Variants in GANC observed in about 807,000 individuals in gnomAD.
GANC encodes glucosidase alpha, neutral C.
A neutral mutation model predicts 124.2 loss-of-function variants in GANC; 117 were observed. That is an observed-to-expected ratio of 0.94 (90% CI 0.81 to 1.10). The LOEUF (loss-of-function observed/expected upper bound fraction) is 1.10, where lower values mean the gene tolerates loss of function less well. GANC is among the 50% of genes least tolerant of loss of function. GANC has a pLI of 0.00. For synonymous variants in GANC, 377 were observed against 376.8 expected, an observed-to-expected ratio of 1.00 and a Z score of -0.01; for missense variants, 1,140 against 1,095.0, an observed-to-expected ratio of 1.04 and a Z score of -0.58.
chr15:42,325,840 G>A (rs780412404), intron 11 of GANC, among the ~76,000 whole-genome samples: 15 of 152,048 alleles, frequency 9.9e-5, no homozygotes, highest in African/African-American at 1.7e-4. Flanking sequence ...CACTGTAGCC[G>A]CGACCTCCCC....
At chr15:42,278,297 C>T (rs1448279802) in intron 2 of GANC, among the ~76,000 whole-genome samples, 185 bp from the exon 3 acceptor site, 1 of 152,098 alleles carries the variant, frequency 6.6e-6, no homozygotes, top group Non-Finnish European at 1.5e-5. Context: ...TACTAATACT[C>T]ATCTTATTAG....
intron 19 of GANC, 174 bp downstream of exon 19, chr15:42,343,328 A>G: frequency 1.7e-6 from 1 of 585,276 alleles, no homozygotes; most frequent in Admixed American, 3.0e-5. Flanking sequence ...AACTTAATGG[A>G]GGAGAGGAGG....
At position 42,292,755 on chromosome 15, in the gene GANC, A is replaced by G. The variant is rs1359133092; in HGVS notation, c.350A>G (p.Asp117Gly). The change falls in exon 5 of 24, where the codon GAC (aspartate) becomes GGC (glycine). Residue 117 changes from aspartate (D) to glycine (G), a missense_variant. By Grantham distance (94) the Asp-to-Gly change is moderately conservative. Coordinates refer to ENST00000318010, the MANE Select transcript of GANC (RefSeq NM_198141.3). The stretch of plus-strand genomic sequence containing the variant: ...TCTAGGCTGATTTCATGCTCTGGGG[A>G]CACAGGCAGTCTGATATTGGCAGAT... The part of the protein sequence containing the change: ...STVRLISCSG[D>G]TGSLILADGK... The G allele has an allele frequency of 6.2e-7, 1 of 1,613,916 alleles. No individual in the cohort carries two copies. The highest frequency in any genetic ancestry group is 8.5e-7 in the Non-Finnish European group (1 of 1,179,876).
intron 18 of GANC, among the ~76,000 whole-genome samples, chr15:42,341,201 G>T (rs1407571254): frequency 1.3e-5 from 2 of 151,886 alleles, no homozygotes; most frequent in East Asian, 3.8e-4. Context: ...CCTTCACCAA[G>T]ATTTCTAATG....
chr15:42,325,109 C>CA (rs753549250), intron 11 of GANC, among the ~76,000 whole-genome samples: 259 of 132,358 alleles, frequency 2.0e-3, no homozygotes, highest in Middle Eastern at 7.7e-3. Context: ...ATTAAAAATA[C>CA]AAAAAAAAAA....
intron 8 of GANC, 22 bp downstream of exon 8, chr15:42,308,340 T>C (rs1259844066): frequency 1.4e-6 from 2 of 1,454,726 alleles, no homozygotes; most frequent in Non-Finnish European, 1.9e-6. Context: ...CAAGAATTCT[T>C]ATGGGAGTCT....
At chr15:42,302,753 C>G (rs2051958622) in intron 6 of GANC, among the ~76,000 whole-genome samples, 1 of 151,660 alleles carries the variant, frequency 6.6e-6, no homozygotes, top group Non-Finnish European at 1.5e-5. Flanking sequence ...GAAAGGATAT[C>G]AGAGATTGAA....
intron 3 of GANC, chr15:42,284,182 A>G (rs1349491579): frequency 2.7e-5 from 16 of 599,810 alleles, no homozygotes; most frequent in Non-Finnish European, 4.1e-5. Context: ...TAATTTTCCT[A>G]CTTAACACCC....
chr15:42,301,407 G>A (rs1430654296), intron 6 of GANC, among the ~76,000 whole-genome samples: 1 of 152,002 alleles, frequency 6.6e-6, no homozygotes, highest in Non-Finnish European at 1.5e-5. Flanking sequence ...CACCAGGGCT[G>A]CACAAAACTG....
At chr15:42,334,064 C>T (rs1478686269) in intron 15 of GANC, among the ~76,000 whole-genome samples, 2 of 152,110 alleles carry the variant, frequency 1.3e-5, no homozygotes, top group East Asian at 1.9e-4. Flanking sequence ...AATGAAACTA[C>T]ACCCCTACCT....
chr15:42,281,924 T>G (rs1223775690), intron 3 of GANC, among the ~76,000 whole-genome samples: 1 of 151,828 alleles, frequency 6.6e-6, no homozygotes, highest in Admixed American at 6.6e-5. Context: ...CAGTGGCTCA[T>G]GCCTATAATC....
At chr15:42,345,510 T>TGC (rs2052356689) in intron 19 of GANC, among the ~76,000 whole-genome samples, 1 of 152,236 alleles carries the variant, frequency 6.6e-6, no homozygotes. Context: ...TGGTAGATTG[T>TGC]TCAGTCGGTA....
At chr15:42,310,023 A>G (rs1481872159) in intron 8 of GANC, among the ~76,000 whole-genome samples, 2 of 152,076 alleles carry the variant, frequency 1.3e-5, no homozygotes, top group Non-Finnish European at 2.9e-5. Context: ...TATCTGGAAA[A>G]AAGAAAAAGG....
intron 4 of GANC, among the ~76,000 whole-genome samples, chr15:42,291,336 T>C (rs1010842410): frequency 6.6e-6 from 1 of 152,198 alleles, no homozygotes; most frequent in Non-Finnish European, 1.5e-5. Context: ...CATAGTTGGT[T>C]AATTATAATC....
At chr15:42,302,091 C>T (rs2051950886) in intron 6 of GANC, among the ~76,000 whole-genome samples, 2 of 152,234 alleles carry the variant, frequency 1.3e-5, no homozygotes, top group African/African-American at 4.8e-5. Context: ...ACAGACACCT[C>T]ATACAGGAGA....
At chr15:42,348,887 C>T (rs547687728) in intron 21 of GANC, among the ~76,000 whole-genome samples, 2 of 152,236 alleles carry the variant, frequency 1.3e-5, no homozygotes, top group East Asian at 3.9e-4. Context: ...ACTATGGGTC[C>T]CAGACCCATG....
At chr15:42,320,868 C>G (rs1282931251) in intron 10 of GANC, among the ~76,000 whole-genome samples, 1 of 152,184 alleles carries the variant, frequency 6.6e-6, no homozygotes, top group African/African-American at 2.4e-5. Context: ...ATAGCCTCCT[C>G]AATACCACTC....
chr15:42,308,576 A>T (rs7163345), intron 8 of GANC, among the ~76,000 whole-genome samples: 3 of 152,174 alleles, frequency 2.0e-5, no homozygotes, highest in Admixed American at 6.5e-5. Flanking sequence ...CTCCACCTCC[A>T]GAGTTCAAGA....
At chr15:42,288,629 A>ATATC (rs1254479529) in intron 4 of GANC, among the ~76,000 whole-genome samples, 2 of 152,236 alleles carry the variant, frequency 1.3e-5, no homozygotes, top group Non-Finnish European at 2.9e-5. Context: ...AGTTTAAAAT[A>ATATC]TATCTATTCA....
Sources: allele counts gnomAD v4.1 joint callset (sites outside exome capture counted in the v4.1 genomes callset), GRCh38; gene constraint gnomAD v4.1.1; transcripts MANE v1.5; gene names NCBI Gene and HGNC (gene_info 2026-07-23, HGNC 2026-07-21).